Variants in CDH13 observed in about 807,000 individuals in gnomAD.
CDH13 encodes the protein cadherin-13.
A neutral mutation model predicts 63.8 loss-of-function variants in CDH13; 24 were observed. That is an observed-to-expected ratio of 0.38 (90% CI 0.27 to 0.53). The LOEUF (loss-of-function observed/expected upper bound fraction) is 0.53, where lower values mean the gene tolerates loss of function less well. Among genes scored for constraint, CDH13 ranks in the 20% least tolerant of loss-of-function variants. The probability of loss-of-function intolerance (pLI) is 0.85; values close to 1 mark genes in which losing one functional copy is unlikely to be tolerated. For synonymous variants in CDH13, 503 were observed against 355.3 expected, an observed-to-expected ratio of 1.42 and a Z score of -4.67; for missense variants, 1,049 against 903.1, an observed-to-expected ratio of 1.16 and a Z score of -2.07.
chr16:82,664,247 G>A lies in CDH13; in HGVS notation c.45+37110G>A, dbSNP rs953506717. Among the ~76,000 whole-genome samples, 132 of 152,230 alleles carry A rather than the reference G, an allele frequency of 8.7e-4. 4 individuals are homozygous for A. The highest frequency in any genetic ancestry group is 6.5e-4 in the Non-Finnish European group (44 of 68,034). On this transcript the variant is annotated intron_variant, in intron 1 of 13. Coordinates refer to ENST00000567109, the MANE Select transcript of CDH13 (RefSeq NM_001257.5). The stretch of plus-strand genomic sequence containing the variant: ...CGTGCCATTGCCTGTTCTTCACATG[G>A]CTGTGTCTCTCCTCCTCAGATGGAT...
chr16:83,667,952 C>T (rs1847413980), intron 8 of CDH13, among the ~76,000 whole-genome samples: 1 of 152,120 alleles, frequency 6.6e-6, no homozygotes, highest in African/African-American at 2.4e-5. Context: ...GTTAGAATAC[C>T]ATGCCCAGCC....
chr16:83,503,061 A>G (rs4782538), intron 7 of CDH13, among the ~76,000 whole-genome samples: 152,280 of 152,344 alleles, frequency 1, 76,108 homozygotes, highest in Non-Finnish European at 1. Context: ...GGCTACACAG[A>G]GAGAGGGGCT....
chr16:82,696,815 G>T (rs965614789), intron 1 of CDH13, among the ~76,000 whole-genome samples: 1 of 152,188 alleles, frequency 6.6e-6, no homozygotes, highest in Non-Finnish European at 1.5e-5. Flanking sequence ...TTGTAGTTCA[G>T]AGTCTTTCAC....
At chr16:82,778,901 G>A (rs1186448574) in intron 1 of CDH13, among the ~76,000 whole-genome samples, 1 of 152,128 alleles carries the variant, frequency 6.6e-6, no homozygotes, top group Non-Finnish European at 1.5e-5. Flanking sequence ...TGTTTCATTT[G>A]TGATAATTTT....
At chr16:82,958,528 A>G (rs1007183046) in intron 2 of CDH13, among the ~76,000 whole-genome samples, 2 of 152,204 alleles carry the variant, frequency 1.3e-5, no homozygotes, top group African/African-American at 4.8e-5. Context: ...AAGATGGAAA[A>G]CACAGTCGGG....
chr16:82,906,175 G>A (rs536179884), intron 2 of CDH13, among the ~76,000 whole-genome samples: 2 of 152,200 alleles, frequency 1.3e-5, no homozygotes, highest in East Asian at 3.9e-4. Flanking sequence ...TAATGAAGAT[G>A]GAGAAGTTTT....
intron 2 of CDH13, among the ~76,000 whole-genome samples, chr16:82,905,523 T>C (rs1284940331): frequency 6.6e-6 from 1 of 151,886 alleles, no homozygotes; most frequent in African/African-American, 2.4e-5. Context: ...GAGAACTTCC[T>C]GAACAAAAAT....
At position 83,306,882 on chromosome 16, in the gene CDH13, A is replaced by G. The variant is rs1014477493; in HGVS notation, c.637-37980A>G. Among the ~76,000 whole-genome samples the G allele has an allele frequency of 8.6e-4, 131 of 152,360 alleles. 1 individual carries two copies. The highest frequency in any genetic ancestry group is 2.8e-3 in the African/African-American group (118 of 41,576). On this transcript the variant is annotated intron_variant, in intron 5 of 13. Transcript: ENST00000567109. ...CCCAGTCTCAGGTATACTTATAGCA[A>G]CACGAAATGGGCTAAGACAATCAGA...
chr16:83,577,758 C>G (rs1024150487), intron 7 of CDH13, among the ~76,000 whole-genome samples: 15 of 152,164 alleles, frequency 9.9e-5, no homozygotes, highest in African/African-American at 2.9e-4. Context: ...AAGCCCTTAA[C>G]CATTATATTT....
intron 4 of CDH13, among the ~76,000 whole-genome samples, chr16:83,214,507 G>A (rs1416014641): frequency 6.8e-6 from 1 of 147,724 alleles, no homozygotes; most frequent in Non-Finnish European, 1.5e-5. Context: ...TTGAACCTGG[G>A]AGGCGGAGGT....
At chr16:83,478,267 C>T (rs569559188) in intron 6 of CDH13, among the ~76,000 whole-genome samples, 31 of 152,250 alleles carry the variant, frequency 2.0e-4, no homozygotes, top group African/African-American at 7.5e-4. Context: ...AGGAGGCACA[C>T]GCTCCAGTTT....
At chr16:83,588,518 G>A (rs1444683898) in intron 7 of CDH13, among the ~76,000 whole-genome samples, 1 of 152,158 alleles carries the variant, frequency 6.6e-6, no homozygotes, top group Non-Finnish European at 1.5e-5. Flanking sequence ...AGTGTCTTGG[G>A]ACCTCAGTGT....
At chr16:83,219,860 A>G (rs970814805) in intron 5 of CDH13, among the ~76,000 whole-genome samples, 3 of 152,158 alleles carry the variant, frequency 2.0e-5, no homozygotes, top group Non-Finnish European at 4.4e-5. Context: ...TGTATCTTTT[A>G]TTCTAGTTCT....
At chr16:83,701,815 G>A (rs149645174) in intron 10 of CDH13, among the ~76,000 whole-genome samples, 28 of 152,286 alleles carry the variant, frequency 1.8e-4, no homozygotes, top group African/African-American at 6.5e-4. Flanking sequence ...CCTCTGCCCA[G>A]TTTGCTTCCT....
chr16:83,530,356 C>T (rs1050149471), intron 7 of CDH13, among the ~76,000 whole-genome samples: 5 of 152,154 alleles, frequency 3.3e-5, no homozygotes, highest in African/African-American at 2.4e-5. Flanking sequence ...TTATGATTCT[C>T]ATATTAGACA....
intron 8 of CDH13, among the ~76,000 whole-genome samples, chr16:83,636,365 T>C (rs1316253271): frequency 6.6e-6 from 1 of 152,194 alleles, no homozygotes; most frequent in Non-Finnish European, 1.5e-5. Flanking sequence ...CGAAGGTATA[T>C]TACATGATGC....
intron 5 of CDH13, among the ~76,000 whole-genome samples, chr16:83,259,646 T>A (rs116069836): frequency 3.9e-4 from 60 of 152,288 alleles, no homozygotes; most frequent in African/African-American, 1.4e-3. Flanking sequence ...CTCAAATTTT[T>A]TTTTATTTTA....
rs2039707952 is a variant in CDH13 at position 82,856,634 on chromosome 16, T to G, written c.46-1728T>G. Among the ~76,000 whole-genome samples the G allele has an allele frequency of 6.6e-5, 8 of 120,528 alleles. No individual in the cohort carries two copies. The South Asian group carries it at 2.1e-3, about 32-fold the overall frequency. The allele number at this position is 120,528 out of a possible 152,430, so 79.1% of individuals were successfully genotyped here. A position where few individuals can be genotyped will look rare whatever the true frequency, so the allele number is the denominator to read the frequency against. On this transcript the variant is annotated intron_variant, in intron 1 of 13. Coordinates refer to ENST00000567109, the MANE Select transcript of CDH13 (RefSeq NM_001257.5). ...GGAGGATCGCTTGAGCCCAGGAGGTTGGGTCTGCAGTGAGCCACAGTTGCA... is the reference window on the plus strand; with the variant it reads ...GGAGGATCGCTTGAGCCCAGGAGGTGGGGTCTGCAGTGAGCCACAGTTGCA...
At chr16:82,737,730 T>C (rs1266299852) in intron 1 of CDH13, among the ~76,000 whole-genome samples, 1 of 152,210 alleles carries the variant, frequency 6.6e-6, no homozygotes, top group African/African-American at 2.4e-5. Context: ...CCATACTTTT[T>C]TCTCCTTTTC....
Sources: gnomAD v4.1 joint callset for allele counts (sites outside exome capture counted in the v4.1 genomes callset) on GRCh38, gnomAD v4.1.1 for gene constraint, MANE v1.5 for transcripts, NCBI Gene and HGNC (gene_info 2026-07-23, HGNC 2026-07-21) for gene names.